The following TPRG1 variants were observed in gnomAD, a reference collection of about 807,000 sequenced individuals.
The protein encoded by TPRG1 is tumor protein p63 regulated 1.
A neutral mutation model predicts 29.3 loss-of-function variants in TPRG1; 29 were observed. That is an observed-to-expected ratio of 0.99 (90% CI 0.74 to 1.35). TPRG1 has a LOEUF of 1.35. Among genes scored for constraint, TPRG1 ranks in the 40% most tolerant of loss-of-function variants. TPRG1 has a pLI of 0.00. For synonymous variants in TPRG1, 130 were observed against 116.8 expected (o/e 1.11, Z -0.73); for missense variants, 327 against 335.0 (o/e 0.98, Z 0.19).
intron 1 of TPRG1, among the ~76,000 whole-genome samples, chr3:189,180,916 A>G (rs1470349883): frequency 6.6e-6 from 1 of 152,154 alleles, no homozygotes; most frequent in Non-Finnish European, 1.5e-5. Flanking sequence ...CTGGACATCT[A>G]GGCATTTCCA....
chr3:189,176,924 A>G (rs374554647), intron 1 of TPRG1, among the ~76,000 whole-genome samples: 2 of 152,196 alleles, frequency 1.3e-5, no homozygotes, highest in Admixed American at 6.5e-5. Flanking sequence ...AATAGGAGCT[A>G]TTTGCAGATT....
At chr3:189,060,975 C>G (rs1412547372) in intron 4 of TPRG1, among the ~76,000 whole-genome samples, 5 of 152,036 alleles carry the variant, frequency 3.3e-5, no homozygotes, top group Non-Finnish European at 5.9e-5. Flanking sequence ...CAAAAAAGAG[C>G]CTGAATAGCA....
At chr3:189,260,016 A>G (rs1356094107) in intron 4 of TPRG1, among the ~76,000 whole-genome samples, 1 of 152,078 alleles carries the variant, frequency 6.6e-6, no homozygotes, top group African/African-American at 2.4e-5. Context: ...TAATGAGGAG[A>G]TAGAATATAG....
At chr3:189,301,210 A>T (rs1435791556) in intron 4 of TPRG1, among the ~76,000 whole-genome samples, 2 of 150,474 alleles carry the variant, frequency 1.3e-5, no homozygotes, top group Admixed American at 1.3e-4. Flanking sequence ...GAGGCAGGAG[A>T]ATCACTTGAA....
chr3:189,157,900 C>G (rs984897632), intron 5 of TPRG1, among the ~76,000 whole-genome samples: 2 of 152,156 alleles, frequency 1.3e-5, no homozygotes, highest in Non-Finnish European at 2.9e-5. Flanking sequence ...GACTGAATGA[C>G]TGGTGCTGAG....
intron 4 of TPRG1, among the ~76,000 whole-genome samples, chr3:189,261,102 T>C (rs1712942374): frequency 6.6e-6 from 1 of 152,182 alleles, no homozygotes; most frequent in African/African-American, 2.4e-5. Context: ...ATCTCCTGTC[T>C]AGACAATCTA....
intron 4 of TPRG1, among the ~76,000 whole-genome samples, chr3:189,265,739 T>C (rs1309516418): frequency 6.6e-6 from 1 of 152,170 alleles, no homozygotes; most frequent in Non-Finnish European, 1.5e-5. Flanking sequence ...GTCTGTCATG[T>C]GGATGTAATA....
chr3:189,014,631 C>G (rs1277781894), intron 3 of TPRG1, among the ~76,000 whole-genome samples: 1 of 152,100 alleles, frequency 6.6e-6, no homozygotes, highest in African/African-American at 2.4e-5. Context: ...AATCTTCTCC[C>G]TTGCTGTTCT....
chr3:189,223,059 C>A (rs1474877615), intron 3 of TPRG1, among the ~76,000 whole-genome samples: 5 of 152,194 alleles, frequency 3.3e-5, no homozygotes, highest in Non-Finnish European at 5.9e-5. Flanking sequence ...GTGAAGAAGG[C>A]ACTCCTTGAG....
chr3:189,114,362 A>C (rs1289729001), intron 1 of TPRG1, among the ~76,000 whole-genome samples: 1 of 152,076 alleles, frequency 6.6e-6, no homozygotes, highest in East Asian at 1.9e-4. Flanking sequence ...GGCTCACTGC[A>C]ACCTCTGCCT....
chr3:189,309,781 G>A (rs1011426315), intron 4 of TPRG1: 2 of 152,232 alleles, frequency 1.3e-5, no homozygotes, highest in African/African-American at 4.8e-5. Flanking sequence ...TTAACAGGAG[G>A]GGCAGGCACA....
Position 189,076,621 on chromosome 3 carries a change from A to G in TPRG1, c.-462-50436A>G, listed in dbSNP as rs572975742. ...TTAGTAAGTAGTTTAATGGTTCCAT[A>G]TGGAACACTGTTGTTAAGCCCTGGG... On this transcript the variant is annotated intron_variant, in intron 4 of 10. Transcript: ENST00000433971. Among the ~76,000 whole-genome samples, 4 of 152,108 alleles carry G rather than the reference A, an allele frequency of 2.6e-5. No homozygotes were observed. The South Asian group carries it at 6.2e-4, about 24-fold the overall frequency.
intron 3 of TPRG1, among the ~76,000 whole-genome samples, chr3:189,013,306 A>G (rs1044659297): frequency 6.6e-6 from 1 of 152,116 alleles, no homozygotes; most frequent in African/African-American, 2.4e-5. Flanking sequence ...CAGGTTGTTC[A>G]ATTTCCATGT....
chr3:189,255,614 G>A (rs1383809661), intron 4 of TPRG1, among the ~76,000 whole-genome samples: 1 of 152,154 alleles, frequency 6.6e-6, no homozygotes, highest in Non-Finnish European at 1.5e-5. Context: ...GCTCTTCTTT[G>A]TACCTCTGGT....
chr3:189,112,932 T>TG (rs1720720580), intron 1 of TPRG1, among the ~76,000 whole-genome samples: 1 of 152,208 alleles, frequency 6.6e-6, no homozygotes, highest in South Asian at 2.1e-4. Context: ...GGTAGCTTGA[T>TG]AGGGATGGCA....
chr3:189,057,449 G>A (rs1320648680), intron 4 of TPRG1, among the ~76,000 whole-genome samples: 4 of 150,462 alleles, frequency 2.7e-5, no homozygotes, highest in Non-Finnish European at 5.9e-5. Context: ...ATCAGAGATG[G>A]TAATAAGGAG....
intron 4 of TPRG1, among the ~76,000 whole-genome samples, chr3:189,241,425 AT>A (rs796141081): frequency 1.1e-3 from 159 of 148,128 alleles, no homozygotes; most frequent in Non-Finnish European, 2.0e-3. Flanking sequence ...ACTATAGCCC[AT>A]TTTTTTTTTC....
chr3:189,159,215 A>T (rs1017500164), intron 5 of TPRG1, among the ~76,000 whole-genome samples: 1 of 152,222 alleles, frequency 6.6e-6, no homozygotes, highest in Non-Finnish European at 1.5e-5. Flanking sequence ...CGTTTGAGCC[A>T]TACACATAAA....
chr3:189,243,959 TC>T (rs1579007639), intron 4 of TPRG1, among the ~76,000 whole-genome samples: 1 of 152,188 alleles, frequency 6.6e-6, no homozygotes, highest in Non-Finnish European at 1.5e-5. Context: ...TTCCTCATCC[TC>T]CTGTCTTCTT....
Sources: gnomAD v4.1 joint callset for allele counts (sites outside exome capture counted in the v4.1 genomes callset) on GRCh38, gnomAD v4.1.1 for gene constraint, MANE v1.5 for transcripts, NCBI Gene and HGNC (gene_info 2026-07-23, HGNC 2026-07-21) for gene names.